Variants in CP observed in about 807,000 individuals in gnomAD.
CP encodes ceruloplasmin.
In CP, 64 loss-of-function variants were observed where a neutral mutation model predicts 122.4. That is an observed-to-expected ratio of 0.52 (90% CI 0.43 to 0.64). The LOEUF (loss-of-function observed/expected upper bound fraction) is 0.64, where lower values mean the gene tolerates loss of function less well. CP is among the 30% of genes least tolerant of loss of function. The pLI is 0.00. For missense variants in CP, 1,167 were observed against 1,284.4 expected (o/e 0.91, Z 1.40); for synonymous variants, 440 against 436.4 (o/e 1.01, Z -0.10).
intron 17 of CP, chr3:149,176,665 A>G (rs540280078): frequency 4.8e-6 from 2 of 420,588 alleles, no homozygotes; most frequent in Admixed American, 3.8e-5. Flanking sequence ...CTACCTACAA[A>G]CCTCCTGTAC....
chr3:149,185,618 A>G (rs987659985), intron 11 of CP, among the ~76,000 whole-genome samples, 172 bp from the exon 12 acceptor site: 4 of 152,208 alleles, frequency 2.6e-5, no homozygotes, highest in South Asian at 2.1e-4. Context: ...GAGCAGATCA[A>G]GTGTGTGCCT....
intron 4 of CP, among the ~76,000 whole-genome samples, chr3:149,167,479 T>G (rs1724540899): frequency 6.6e-6 from 1 of 152,224 alleles, no homozygotes; most frequent in Non-Finnish European, 1.5e-5. Context: ...GATGAAGTAG[T>G]TGATTACCTG....
chr3:149,194,632 C>T (rs1349336544), intron 9 of CP, among the ~76,000 whole-genome samples: 1 of 151,834 alleles, frequency 6.6e-6, no homozygotes. Context: ...AATCCAAGAT[C>T]CATATAAGAG....
exon 6 of CP, chr3:149,162,536 TA>T (rs769588830): frequency 1.4e-4 from 143 of 988,796 alleles, no homozygotes; most frequent in Non-Finnish European, 2.1e-4. Context: ...TGTTTCCTTT[TA>T]AAAATGTCTA....
intron 1 of CP, among the ~76,000 whole-genome samples, chr3:149,214,383 G>A (rs774492067): frequency 2.0e-5 from 3 of 151,984 alleles, no homozygotes; most frequent in Non-Finnish European, 2.9e-5. Flanking sequence ...TATGATGAGC[G>A]TTTCCTCCTA....
chr3:149,202,373 A>G, intron 6 of CP, 132 bp from the exon 7 acceptor site: 2 of 1,140,272 alleles, frequency 1.8e-6, no homozygotes, highest in Non-Finnish European at 2.6e-6. Context: ...ATTTATAGCA[A>G]TCCGTACCAG....
intron 15 of CP, among the ~76,000 whole-genome samples, chr3:149,179,000 A>G (rs1725608135): frequency 6.6e-6 from 1 of 152,180 alleles, no homozygotes; most frequent in Non-Finnish European, 1.5e-5. Flanking sequence ...CCATAGATGA[A>G]TGAAATGTGT....
chr3:149,163,895 A>G (rs1724143146), intron 5 of CP: 3 of 1,585,534 alleles, frequency 1.9e-6, no homozygotes, highest in Non-Finnish European at 2.6e-6. Context: ...ACGTCGTAAT[A>G]TCATCTGATT....
rs563868423 is a variant in CP, at chr3:149,173,018, C to T, written c.*696G>A. 6.6e-6 allele frequency: 1 copy of T among 152,610 alleles called. No individual in the cohort carries two copies. Among genetic ancestry groups the T allele is most frequent in the Admixed American group, 6.5e-5 (1 of 15,292 alleles). The allele number at this position is 152,610 out of a possible 1,614,324, so 9.5% of individuals were successfully genotyped here. A position where few individuals can be genotyped will look rare whatever the true frequency, so the allele number is the denominator to read the frequency against. On this transcript the variant is annotated 3_prime_UTR_variant, in exon 19 of 19. Transcript: ENST00000264613. ...AAAAATTTTTAGTTCAAGTTTAGTT[C>T]ATTGATATTATCCTCTGAATGCAGT...
At chr3:149,177,595 G>T (rs566742524) in intron 17 of CP, among the ~76,000 whole-genome samples, 2 of 152,220 alleles carry the variant, frequency 1.3e-5, no homozygotes, top group Non-Finnish European at 2.9e-5. Flanking sequence ...CATTTCATTT[G>T]CATGGATTCA....
intron 1 of CP, 78 bp downstream of exon 1, chr3:149,221,569 A>C: frequency 1.4e-6 from 2 of 1,424,848 alleles, no homozygotes; most frequent in Non-Finnish European, 1.9e-6. Context: ...AAATTTTAAA[A>C]ATATTTCATC....
chr3:149,179,503 C>T (rs1292403550), intron 15 of CP, 53 bp downstream of exon 15: 1 of 1,323,900 alleles, frequency 7.6e-7, no homozygotes, highest in Non-Finnish European at 1.1e-6. Flanking sequence ...TGTCTTCCTT[C>T]AATTGTGTGT....
At chr3:149,183,254 T>A (rs1725902584) in intron 13 of CP, among the ~76,000 whole-genome samples, 1 of 152,208 alleles carries the variant, frequency 6.6e-6, no homozygotes, top group Non-Finnish European at 1.5e-5. Context: ...GGACAATACA[T>A]AGTTTCCAAG....
chr3:149,181,879 A>T, intron 14 of CP, 126 bp downstream of exon 14: 1 of 1,001,132 alleles, frequency 1.0e-6, no homozygotes, highest in Non-Finnish European at 1.6e-6. Context: ...ACCTCCTTGC[A>T]TCCCCTCTTC....
intron 9 of CP, among the ~76,000 whole-genome samples, chr3:149,188,744 AAAC>A (rs1259958970): frequency 1.3e-5 from 2 of 152,066 alleles, no homozygotes; most frequent in Non-Finnish European, 2.9e-5. Context: ...CCAGTGGAAA[AAAC>A]AAAAAAAAAG....
chr3:149,164,806 T>C (rs1724243777), intron 5 of CP, among the ~76,000 whole-genome samples: 1 of 152,212 alleles, frequency 6.6e-6, no homozygotes, highest in Non-Finnish European at 1.5e-5. Flanking sequence ...CTTTGTGGCA[T>C]CCTGACCCAA....
chr3:149,162,490 A>C, exon 6 of CP: 1 of 887,118 alleles, frequency 1.1e-6, no homozygotes, highest in Non-Finnish European at 1.8e-6. Flanking sequence ...TTAAAAGACT[A>C]TATCTGTAGA....
In CP at chr3:149,183,529, T is replaced by A; in HGVS notation, c.2362A>T (p.Thr788Ser). Residue 788 changes from threonine to serine, a missense_variant, in exon 13 of 19, where the codon ACT becomes TCT. Physicochemically the swap from Thr to Ser is moderately conservative, Grantham distance 58. This residue lies in a region of CP where 525 missense variants were observed against 657.2 expected (regional missense o/e 0.80). Coordinates refer to ENST00000264613, the MANE Select transcript of CP (RefSeq NM_000096.4). ...ACTGGAACACGGAATGTGCTATCAGTATACTGCCGATACACAACTTTCTTG... is the reference window on the plus strand; with the variant it reads ...ACTGGAACACGGAATGTGCTATCAGAATACTGCCGATACACAACTTTCTTG... Reference protein sequence around the residue: ...KYKKVVYRQYTDSTFRVPVER... With the variant: ...KYKKVVYRQYSDSTFRVPVER... 6.2e-7 allele frequency: 1 copy of A among 1,611,688 alleles called. No individual in the cohort carries two copies. Among genetic ancestry groups the A allele is most frequent in the Non-Finnish European group, 8.5e-7 (1 of 1,179,332 alleles).
At chr3:149,210,146 T>C (rs745858184) in intron 3 of CP, 21 bp downstream of exon 3, 1 of 1,610,536 alleles carries the variant, frequency 6.2e-7, no homozygotes, top group Admixed American at 1.7e-5. Context: ...ATATAGCATG[T>C]GCAATAAGGA....
Sources: gnomAD v4.1 joint callset for allele counts (sites outside exome capture counted in the v4.1 genomes callset) on GRCh38, gnomAD v4.1.1 for gene constraint, gnomAD v4.1.1 regional missense constraint, MANE v1.5 for transcripts, NCBI Gene and HGNC (gene_info 2026-07-23, HGNC 2026-07-21) for gene names.